NSMCE2: variants seen among roughly 807,000 people sequenced by gnomAD.
The protein encoded by NSMCE2 is NSE2 SUMO ligase component of SMC5/6 complex.
NSMCE2 carries 24 observed loss-of-function variants against 23.8 expected under a neutral mutation model. That is an observed-to-expected ratio of 1.01 (90% CI 0.73 to 1.42). The LOEUF (loss-of-function observed/expected upper bound fraction) is 1.42, where lower values mean the gene tolerates loss of function less well. Among genes scored for constraint, NSMCE2 ranks in the 40% most tolerant of loss-of-function variants. The probability of loss-of-function intolerance (pLI) is 0.00; values close to 1 mark genes in which losing one functional copy is unlikely to be tolerated. For missense variants in NSMCE2, 284 were observed against 296.5 expected, an observed-to-expected ratio of 0.96 and a Z score of 0.31; for synonymous variants, 92 against 94.1, an observed-to-expected ratio of 0.98 and a Z score of 0.13.
At chr8:125,355,674 T>G (rs1184860618) in intron 5 of NSMCE2, among the ~76,000 whole-genome samples, 1 of 120,984 alleles carries the variant, frequency 8.3e-6, no homozygotes, top group African/African-American at 3.3e-5. Context: ...CACTCCAGCC[T>G]GGGTGACAGA....
At chr8:125,308,672 A>G (rs1828854374) in intron 5 of NSMCE2, among the ~76,000 whole-genome samples, 1 of 152,208 alleles carries the variant, frequency 6.6e-6, no homozygotes, top group Admixed American at 6.5e-5. Context: ...AAGGTGATAC[A>G]CACAAAAGCA....
chr8:125,139,848 C>G (rs983439069), intron 3 of NSMCE2, among the ~76,000 whole-genome samples: 3 of 152,192 alleles, frequency 2.0e-5, no homozygotes, highest in African/African-American at 4.8e-5. Flanking sequence ...CAGACATTCA[C>G]TTTTCCTTCT....
intron 3 of NSMCE2, among the ~76,000 whole-genome samples, chr8:125,142,609 GT>G (rs879765827): frequency 1.6e-4 from 24 of 146,318 alleles, no homozygotes; most frequent in South Asian, 4.3e-4. Flanking sequence ...TGTGTATTCA[GT>G]TTTTTTTTTT....
chr8:125,252,462 C>T (rs1467904131), intron 5 of NSMCE2, among the ~76,000 whole-genome samples: 2 of 152,098 alleles, frequency 1.3e-5, no homozygotes, highest in South Asian at 2.1e-4. Flanking sequence ...GGAGGCGGAG[C>T]TCGCAGTGAG....
chr8:125,277,538 G>A (rs753977970), intron 5 of NSMCE2, among the ~76,000 whole-genome samples: 15 of 149,274 alleles, frequency 1.0e-4, no homozygotes, highest in Non-Finnish European at 1.6e-4. Context: ...ATGAAGTCTC[G>A]CTTTGTCGCC....
intron 1 of NSMCE2, among the ~76,000 whole-genome samples, chr8:125,100,625 G>A (rs1013915839): frequency 2.3e-4 from 35 of 152,126 alleles, no homozygotes; most frequent in African/African-American, 8.5e-4. Context: ...GCAGTGGCAT[G>A]ATCTTGGCTC....
intron 6 of NSMCE2, 69 bp from the exon 7 acceptor site, chr8:125,357,643 C>A: frequency 8.6e-7 from 1 of 1,162,452 alleles, no homozygotes; most frequent in Non-Finnish European, 1.3e-6. Context: ...AAGCTCAGGA[C>A]TAGGACGAAA....
chr8:125,297,454 C>A (rs1476040486), intron 5 of NSMCE2, among the ~76,000 whole-genome samples: 1 of 152,182 alleles, frequency 6.6e-6, no homozygotes, highest in Non-Finnish European at 1.5e-5. Context: ...GAAATGGTTT[C>A]CTTTGTTCAG....
intron 5 of NSMCE2, among the ~76,000 whole-genome samples, chr8:125,255,889 G>A (rs1170711364): frequency 2.0e-5 from 3 of 152,142 alleles, no homozygotes; most frequent in African/African-American, 7.2e-5. Flanking sequence ...GTTCAGGCAA[G>A]GACAATGAGG....
intron 5 of NSMCE2, among the ~76,000 whole-genome samples, chr8:125,183,826 G>A (rs973552187): frequency 6.6e-6 from 1 of 151,908 alleles, no homozygotes; most frequent in Non-Finnish European, 1.5e-5. Context: ...GGCAGCTTTC[G>A]ATTTCTTGAT....
chr8:125,234,932 A>G (rs1445084253), intron 5 of NSMCE2, among the ~76,000 whole-genome samples: 1 of 151,980 alleles, frequency 6.6e-6, no homozygotes, highest in Non-Finnish European at 1.5e-5. Flanking sequence ...TACAGAGCCC[A>G]TTTCAAGTCC....
chr8:125,331,569 C>G (rs60051203), intron 5 of NSMCE2, among the ~76,000 whole-genome samples: 10,536 of 151,758 alleles, frequency 0.069, 1,189 homozygotes, highest in African/African-American at 0.24. Context: ...TTTTCTCCTC[C>G]CTGAAGTTTA....
intron 5 of NSMCE2, among the ~76,000 whole-genome samples, chr8:125,352,207 G>T (rs568191567): frequency 1.3e-5 from 2 of 151,820 alleles, no homozygotes; most frequent in Non-Finnish European, 2.9e-5. Flanking sequence ...GGGGCTGGGC[G>T]TGGTGGCTCA....
At chr8:125,274,862 G>A (rs1413123916) in intron 5 of NSMCE2, among the ~76,000 whole-genome samples, 4 of 151,224 alleles carry the variant, frequency 2.6e-5, no homozygotes, top group South Asian at 2.1e-4. Context: ...CCTGGGAGGC[G>A]GAGGTTGCAG....
intron 5 of NSMCE2, among the ~76,000 whole-genome samples, chr8:125,263,081 A>G (rs1826766563): frequency 6.6e-6 from 1 of 152,186 alleles, no homozygotes; most frequent in African/African-American, 2.4e-5. Flanking sequence ...TAGTGAATGA[A>G]ACTCATTTAG....
At chr8:125,317,955 T>C (rs1829274228) in intron 5 of NSMCE2, among the ~76,000 whole-genome samples, 1 of 152,256 alleles carries the variant, frequency 6.6e-6, no homozygotes, top group South Asian at 2.1e-4. Flanking sequence ...AGAGGAAAAT[T>C]GTAATTTATG....
At chr8:125,100,001 T>C (rs1818107623) in intron 1 of NSMCE2, among the ~76,000 whole-genome samples, 1 of 151,308 alleles carries the variant, frequency 6.6e-6, no homozygotes. Flanking sequence ...GAGGGAGGGA[T>C]AGGATCTAGT....
intron 5 of NSMCE2, among the ~76,000 whole-genome samples, chr8:125,290,921 C>A (rs1250199455): frequency 1.3e-5 from 2 of 152,242 alleles, no homozygotes; most frequent in Non-Finnish European, 2.9e-5. Flanking sequence ...TGAGGTCAGG[C>A]ACCATAATTA....
chr8:125,343,076 G>A (rs895840024), intron 5 of NSMCE2, among the ~76,000 whole-genome samples: 1 of 152,016 alleles, frequency 6.6e-6, no homozygotes, highest in African/African-American at 2.4e-5. Context: ...CATGTAAAAA[G>A]GAAAAACAAG....
Sources: gnomAD v4.1 joint callset for allele counts (sites outside exome capture counted in the v4.1 genomes callset) on GRCh38, gnomAD v4.1.1 for gene constraint, MANE v1.5 for transcripts, NCBI Gene and HGNC (gene_info 2026-07-23, HGNC 2026-07-21) for gene names.